The following ZNF148 variants were observed in gnomAD, a reference collection of about 807,000 sequenced individuals.
ZNF148 encodes Beta-Enolase Repressor Factor-1.
ZNF148 carries 7 observed loss-of-function variants against 67.7 expected under a neutral mutation model. The ratio of observed to expected loss-of-function variants is 0.10; its 90% CI spans 0.06 to 0.19. The LOEUF is 0.19. ZNF148 is among the 10% of genes least tolerant of loss of function. The pLI is 1.00. For missense variants in ZNF148, 583 were observed against 947.1 expected (o/e 0.62, Z 5.05); for synonymous variants, 333 against 330.7 (o/e 1.01, Z -0.08).
chr3:125,373,812 C>T (rs1418104591), intron 1 of ZNF148, among the ~76,000 whole-genome samples: 1 of 152,146 alleles, frequency 6.6e-6, no homozygotes, highest in Non-Finnish European at 1.5e-5. Context: ...TTTATGGAAC[C>T]AATCCAGCCA....
chr3:125,358,492 A>T (rs570371795), intron 1 of ZNF148, among the ~76,000 whole-genome samples: 90 of 152,144 alleles, frequency 5.9e-4, no homozygotes, highest in Non-Finnish European at 1.1e-3. Flanking sequence ...CAAAGCTAAC[A>T]CTCTCCAACT....
chr3:125,308,262 A>G (rs1456410686), intron 4 of ZNF148, among the ~76,000 whole-genome samples: 1 of 152,222 alleles, frequency 6.6e-6, no homozygotes, highest in East Asian at 1.9e-4. Flanking sequence ...GAAAGTAACA[A>G]TTAGAATTTG....
At chr3:125,310,501 G>A (rs920210547) in intron 4 of ZNF148, among the ~76,000 whole-genome samples, 2 of 152,038 alleles carry the variant, frequency 1.3e-5, no homozygotes, top group Non-Finnish European at 2.9e-5. Context: ...TAGTATGAAT[G>A]CATATATTAG....
chr3:125,330,166 G>A (rs1455277783), intron 2 of ZNF148, among the ~76,000 whole-genome samples: 1 of 152,052 alleles, frequency 6.6e-6, no homozygotes, highest in Non-Finnish European at 1.5e-5. Flanking sequence ...AATCCACAAG[G>A]TGAAAAAGAA....
intron 4 of ZNF148, among the ~76,000 whole-genome samples, chr3:125,303,882 T>C (rs1012089957): frequency 1.3e-5 from 2 of 152,118 alleles, no homozygotes; most frequent in Non-Finnish European, 2.9e-5. Flanking sequence ...CAACATGGGA[T>C]ACACTGTCGC....
In ZNF148 at chr3:125,228,657, A is replaced by C. The variant is rs55999875; in HGVS notation, c.*3684T>G. 0.035 allele frequency: 5,387 copies of C among 152,660 alleles called. 145 individuals are homozygous for C. Among genetic ancestry groups the C allele is most frequent in the South Asian group, 0.084 (407 of 4,818 alleles). The allele number at this position is 152,660 out of a possible 1,614,324, so 9.5% of individuals were successfully genotyped here. ...ACATTACATACTTTCAGACAATACA[A>C]ATTAGCACATTGGTACTCACTTCAA... is the stretch of plus-strand genomic sequence containing the variant. On this transcript the variant is annotated 3_prime_UTR_variant, in exon 9 of 9. Transcript: ENST00000360647.
At chr3:125,260,133 A>G (rs1277367900) in intron 7 of ZNF148, among the ~76,000 whole-genome samples, 2 of 152,200 alleles carry the variant, frequency 1.3e-5, no homozygotes, top group African/African-American at 4.8e-5. Flanking sequence ...CAATTACAAT[A>G]GTAACATCAA....
At chr3:125,305,595 C>G (rs867037455) in intron 4 of ZNF148, among the ~76,000 whole-genome samples, 2 of 151,888 alleles carry the variant, frequency 1.3e-5, no homozygotes, top group Non-Finnish European at 2.9e-5. Context: ...GAGGATCGCT[C>G]GAACCCAGGA....
intron 3 of ZNF148, among the ~76,000 whole-genome samples, chr3:125,316,921 G>A (rs1940524583): frequency 6.6e-6 from 1 of 152,136 alleles, no homozygotes; most frequent in Admixed American, 6.5e-5. Context: ...GGAAGTAGTA[G>A]TACTCTGGGG....
chr3:125,355,836 T>C (rs2107769242), intron 1 of ZNF148, among the ~76,000 whole-genome samples: 1 of 152,220 alleles, frequency 6.6e-6, no homozygotes, highest in South Asian at 2.1e-4. Flanking sequence ...GTAGTAACAA[T>C]GAGAATAAAA....
At position 125,231,474 on chromosome 3, in the gene ZNF148, G is replaced by A. The variant is rs905999274; in HGVS notation, c.*867C>T. Reference sequence around the variant, plus strand: ...GTAAAATACAATTAAGCTTTAAAACGTGGAATATACATTTTGTGTAAGCAT... The same window carrying A: ...GTAAAATACAATTAAGCTTTAAAACATGGAATATACATTTTGTGTAAGCAT... On this transcript the variant is annotated 3_prime_UTR_variant, in exon 9 of 9. Transcript: ENST00000360647. 5 of 152,388 alleles carry A rather than the reference G, an allele frequency of 3.3e-5. No individual in the cohort carries two copies. The highest frequency in any genetic ancestry group is 5.9e-5 in the Non-Finnish European group (4 of 67,960). The allele number at this position is 152,388 out of a possible 1,614,324, so 9.4% of individuals were successfully genotyped here. A position where few individuals can be genotyped will look rare whatever the true frequency, so the allele number is the denominator to read the frequency against.
chr3:125,233,955 G>A lies in ZNF148; in HGVS notation c.787-16C>T. 1 of 1,569,424 alleles carries A rather than the reference G, an allele frequency of 6.4e-7. No homozygotes were observed. The highest frequency in any genetic ancestry group is 2.0e-5 in the Admixed American group (1 of 51,108). The stretch of plus-strand genomic sequence containing the variant: ...TGGAAAAATACTGTTGAATTCAGAG[G>A]ATGGTAGTGGGTTGTTTGTGGTTTT... On this transcript the variant is annotated splice_polypyrimidine_tract_variant and intron_variant, in intron 8 of 8. Transcript: ENST00000360647. This position sits in a 1 kb window ranked among gnomAD's most constrained non-coding sequence, Gnocchi z 5.1.
rs533233156 is a variant in ZNF148 at position 125,348,608 on chromosome 3, A to G, written c.-233-17370T>C. Among the ~76,000 whole-genome samples, 24 of 152,282 alleles carry G rather than the reference A, an allele frequency of 1.6e-4. 1 individual carries two copies. The South Asian group carries it at 5.0e-3, about 32-fold the overall frequency. Reference sequence around the variant, plus strand: ...AACACTGATGAAAGAAATTGAAGACACAAATAAATGGAAACACATCCCATG... The same window carrying G: ...AACACTGATGAAAGAAATTGAAGACGCAAATAAATGGAAACACATCCCATG... On this transcript the variant is annotated intron_variant, in intron 1 of 8. Transcript: ENST00000360647.
intron 1 of ZNF148, chr3:125,357,316 A>ACACG (rs10625384): frequency 0.76 from 116,769 of 152,654 alleles, 45,184 homozygotes; most frequent in African/African-American, 0.84. Context: ...GCGCACAGAC[A>ACACG]CACGCACGCA....
At chr3:125,345,053 A>G (rs1371486196) in intron 1 of ZNF148, among the ~76,000 whole-genome samples, 2 of 152,248 alleles carry the variant, frequency 1.3e-5, no homozygotes, top group African/African-American at 4.8e-5. Context: ...TAATAACACA[A>G]TCAACCAACA....
rs988925697 is a variant in ZNF148 at position 125,232,100 on chromosome 3, G to A, written c.*241C>T. 3 of 401,786 alleles carry A rather than the reference G, an allele frequency of 7.5e-6. No individual in the cohort carries two copies. Among genetic ancestry groups the A allele is most frequent in the Non-Finnish European group, 1.3e-5 (3 of 230,104 alleles). The allele number at this position is 401,786 out of a possible 1,614,324, so 24.9% of individuals were successfully genotyped here. A position where few individuals can be genotyped will look rare whatever the true frequency, so the allele number is the denominator to read the frequency against. ...TAACTTGGTGTGGGTGGAATAGCAA[G>A]TTTCTGATCTAAAACAAGTAATGCA... On this transcript the variant is annotated 3_prime_UTR_variant, in exon 9 of 9. Coordinates refer to ENST00000360647, the MANE Select transcript of ZNF148 (RefSeq NM_021964.3). This position sits in a 1 kb window ranked among gnomAD's most constrained non-coding sequence, Gnocchi z 4.2.
intron 1 of ZNF148, among the ~76,000 whole-genome samples, chr3:125,353,884 G>A (rs1184850713): frequency 1.6e-4 from 25 of 151,994 alleles, no homozygotes. Context: ...GACCAGCCTG[G>A]GCAACATAGC....
At chr3:125,238,430 C>A (rs1197401645) in intron 7 of ZNF148, among the ~76,000 whole-genome samples, 4 of 152,062 alleles carry the variant, frequency 2.6e-5, no homozygotes, top group Middle Eastern at 3.4e-3. Flanking sequence ...GAGTTCAAGA[C>A]CGGTCTGGCC....
At chr3:125,245,977 G>C (rs532797333) in intron 7 of ZNF148, among the ~76,000 whole-genome samples, 1 of 152,220 alleles carries the variant, frequency 6.6e-6, no homozygotes, top group Admixed American at 6.5e-5. Flanking sequence ...TCCCCACTCT[G>C]CTTTCTGAGC....
Sources: allele counts gnomAD v4.1 joint callset (sites outside exome capture counted in the v4.1 genomes callset), GRCh38; gene constraint gnomAD v4.1.1; non-coding constraint Gnocchi (gnomAD v3.1); transcripts MANE v1.5; gene names NCBI Gene and HGNC (gene_info 2026-07-23, HGNC 2026-07-21).